SNX19: variants seen among roughly 807,000 people sequenced by gnomAD.
SNX19 encodes sorting nexin 19.
A neutral mutation model predicts 85.2 loss-of-function variants in SNX19; 60 were observed. The observed-to-expected ratio is 0.70, with a 90% CI of 0.57 to 0.87. The LOEUF (loss-of-function observed/expected upper bound fraction) is 0.87. SNX19 is among the 40% of genes least tolerant of loss of function. SNX19 has a pLI of 0.00. For synonymous variants in SNX19, 520 were observed against 470.0 expected (o/e 1.11, Z -1.38); for missense variants, 1,201 against 1,217.8 (o/e 0.99, Z 0.21).
At chr11:130,891,015 C>G (rs1416645360) in intron 8 of SNX19, among the ~76,000 whole-genome samples, 1 of 151,670 alleles carries the variant, frequency 6.6e-6, no homozygotes, top group Non-Finnish European at 1.5e-5. Flanking sequence ...TAAAGCATGG[C>G]ACACAGTTCA....
chr11:130,913,138 T>C lies in SNX19; in HGVS notation c.1674+1128A>G, dbSNP rs1188821511. Among the ~76,000 whole-genome samples, 3 of 152,214 alleles carry C rather than the reference T, an allele frequency of 2.0e-5. No homozygotes were observed. In the East Asian group the frequency reaches 5.8e-4, roughly 29 times the overall value. ...CTATCCATCAACTTAATTTTTCTGC[T>C]AATGAGGAGGGAAAAAACCTGCTGT... On this transcript the variant is annotated intron_variant, in intron 1 of 10. Coordinates refer to ENST00000265909, the MANE Select transcript of SNX19 (RefSeq NM_014758.3).
At chr11:130,906,467 T>A (rs1404111492) in intron 6 of SNX19, among the ~76,000 whole-genome samples, 158 bp downstream of exon 6, 1 of 152,204 alleles carries the variant, frequency 6.6e-6, no homozygotes, top group Non-Finnish European at 1.5e-5. Flanking sequence ...CCAAACCACT[T>A]AGAGAAAATA....
At position 130,874,943 on chromosome 11, in the gene SNX19, GA is replaced by G. The variant is rs1279645523; in HGVS notation, c.*3478del. On this transcript the variant is annotated 3_prime_UTR_variant, in exon 11 of 11. Transcript: ENST00000265909. ...AATGTAAAATGGTCTAGTCACTATG[GA>G]AAACAGTATGAAGGTCTTCAAAGAA... Among the ~76,000 whole-genome samples, 2 of 152,210 alleles carry G rather than the reference GA, an allele frequency of 1.3e-5. No individual in the cohort carries two copies. Among genetic ancestry groups the G allele is most frequent in the Non-Finnish European group, 1.5e-5 (1 of 68,036 alleles).
chr11:130,874,350 GA>G lies in SNX19; in HGVS notation c.*4071del, dbSNP rs1458182456. Among the ~76,000 whole-genome samples the G allele has an allele frequency of 6.6e-6, 1 of 152,162 alleles. No individual in the cohort carries two copies. The highest frequency in any genetic ancestry group is 2.4e-5 in the African/African-American group (1 of 41,416). On this transcript the variant is annotated 3_prime_UTR_variant, in exon 11 of 11. Transcript: ENST00000265909. ...AAGAGGATTCTTGAAGGACTTCTGG[GA>G]AATGGTTCCTTCATTCCTTAGAAGA...
At chr11:130,911,463 G>A (rs1946117535) in intron 2 of SNX19, 170 bp downstream of exon 2, 1 of 1,437,750 alleles carries the variant, frequency 7.0e-7, no homozygotes, top group Non-Finnish European at 9.1e-7. Flanking sequence ...CTGAAAGAAT[G>A]TGATTGCTGC....
chr11:130,901,363 G>A (rs1003264355), intron 8 of SNX19, among the ~76,000 whole-genome samples: 9 of 152,044 alleles, frequency 5.9e-5, no homozygotes, highest in African/African-American at 9.7e-5. Flanking sequence ...CTTAATTCTC[G>A]GGGAAAGAGA....
In SNX19 at chr11:130,874,398, G is replaced by GTTCTT. The variant is rs1393613494; in HGVS notation, c.*4019_*4023dup. 6.6e-6 allele frequency among the ~76,000 whole-genome samples: 1 copy of GTTCTT among 151,962 alleles called. No homozygotes were observed. On this transcript the variant is annotated 3_prime_UTR_variant, in exon 11 of 11. Transcript: ENST00000265909. ...AAGAAAACACAGAAGAGATGCTCCTGTTCTTTTATGAATGTTATCTCTGGG... is the reference window on the plus strand; with the variant it reads ...AAGAAAACACAGAAGAGATGCTCCTGTTCTTTTCTTTTATGAATGTTATCTCTGGG...
chr11:130,896,413 A>C (rs942620183), intron 8 of SNX19, among the ~76,000 whole-genome samples: 2 of 152,218 alleles, frequency 1.3e-5, no homozygotes, highest in African/African-American at 4.8e-5. Context: ...ATATGCAGAC[A>C]AAAATAATTT....
At chr11:130,887,978 T>C (rs181185830) in intron 8 of SNX19, among the ~76,000 whole-genome samples, 1 of 152,230 alleles carries the variant, frequency 6.6e-6, no homozygotes, top group East Asian at 1.9e-4. Flanking sequence ...TCCTTTAGAT[T>C]TAGATACTAT....
rs138573799 is a variant in SNX19, at chr11:130,910,090, C to T, written c.1962G>A (p.Glu654=). 1.5e-5 allele frequency: 24 copies of T among 1,614,146 alleles called. No individual in the cohort carries two copies. In the African/African-American group the frequency reaches 2.9e-4, roughly 20 times the overall value. The change falls in exon 4 of 11, where the codon GAG becomes GAA. Residue 654 remains glutamate, a synonymous_variant. Transcript: ENST00000265909. ...PEIANSEEVQ[E]FLALNTDARI... is the part of the protein sequence containing the mutation. ...GAGCATCTGTGTTCAGAGCAAGGAA[C>T]TCCTGCACCTCCTCACTGTTAGCGA... is the stretch of plus-strand genomic sequence containing the variant.
intron 8 of SNX19, among the ~76,000 whole-genome samples, chr11:130,897,691 A>G (rs1343970616): frequency 6.6e-6 from 1 of 152,010 alleles, no homozygotes; most frequent in Non-Finnish European, 1.5e-5. Flanking sequence ...CCTACCATCA[A>G]TGCAGCACAG....
rs1202987719 is a variant in SNX19 at position 130,870,857 on chromosome 11, A to G, written c.*7565T>C. ...GGGGCATAAGGACATAATAGGACTA[A>G]AAAAGATAAAAGATATGTTCGTTGC... On this transcript the variant is annotated 3_prime_UTR_variant, in exon 11 of 11. Coordinates refer to ENST00000265909, the MANE Select transcript of SNX19 (RefSeq NM_014758.3). Among the ~76,000 whole-genome samples, 1 of 152,210 alleles carries G rather than the reference A, an allele frequency of 6.6e-6. No individual in the cohort carries two copies. Among genetic ancestry groups the G allele is most frequent in the Non-Finnish European group, 1.5e-5 (1 of 68,042 alleles).
chr11:130,894,761 C>T (rs540874059), intron 8 of SNX19: 1 of 985,438 alleles, frequency 1.0e-6, no homozygotes, highest in East Asian at 1.1e-4. Flanking sequence ...AATGCCCCTC[C>T]TCCTGTTTTA....
chr11:130,909,686 C>A (rs1428420439), intron 4 of SNX19, among the ~76,000 whole-genome samples: 1 of 152,194 alleles, frequency 6.6e-6, no homozygotes, highest in Non-Finnish European at 1.5e-5. Context: ...TGAAAGACCA[C>A]CCCTCATGCC....
intron 2 of SNX19, 98 bp downstream of exon 2, chr11:130,911,535 G>C (rs931307990): frequency 1.3e-6 from 2 of 1,565,010 alleles, no homozygotes; most frequent in African/African-American, 1.4e-5. Context: ...CCTTGAAACG[G>C]CATTCTCCTC....
At chr11:130,910,725 T>C (rs1946040684) in intron 2 of SNX19, among the ~76,000 whole-genome samples, 1 of 152,158 alleles carries the variant, frequency 6.6e-6, no homozygotes. Context: ...AGCTAATACG[T>C]GTAAAGTGCT....
chr11:130,907,869 T>G (rs1455637362), intron 5 of SNX19, 84 bp downstream of exon 5: 1,163 of 1,552,158 alleles, frequency 7.5e-4, no homozygotes, highest in Non-Finnish European at 9.1e-4. Context: ...CTCTAGGGCT[T>G]GAGAATAGGG....
chr11:130,914,923 A>G lies in SNX19; in HGVS notation c.1017T>C (p.Asp339=), dbSNP rs1946430290. The part of the protein sequence containing the change: ...VEEGHEAVEG[D]LGGMCEERKV... ...TTCTTTCTTCACACATCCCACCCAA[A>G]TCTCCCTCTACAGCTTCGTGGCCTT... The change falls in exon 1 of 11, where the codon GAT becomes GAC. Residue 339 remains aspartate (D), a synonymous_variant. Transcript: ENST00000265909. 6.2e-7 allele frequency: 1 copy of G among 1,613,896 alleles called. No homozygotes were observed. The highest frequency in any genetic ancestry group is 1.7e-5 in the Admixed American group (1 of 59,994).
intron 2 of SNX19, 171 bp downstream of exon 2, chr11:130,911,462 T>A (rs150945891): frequency 1.4e-5 from 20 of 1,436,132 alleles, no homozygotes; most frequent in Non-Finnish European, 1.7e-5. Context: ...TCTGAAAGAA[T>A]GTGATTGCTG....
Sources: allele counts gnomAD v4.1 joint callset (sites outside exome capture counted in the v4.1 genomes callset), GRCh38; gene constraint gnomAD v4.1.1; transcripts MANE v1.5; gene names NCBI Gene and HGNC (gene_info 2026-07-23, HGNC 2026-07-21).